NECAB1: variants seen among roughly 807,000 people sequenced by gnomAD.
NECAB1 encodes N-terminal EF-hand calcium-binding protein 1.
Under a neutral mutation model 57.5 loss-of-function variants are expected in NECAB1, and 29 were observed. The observed-to-expected ratio is 0.50, with a 90% CI of 0.38 to 0.69. The LOEUF (loss-of-function observed/expected upper bound fraction) is 0.69. NECAB1 is among the 30% of genes least tolerant of loss of function. The probability of loss-of-function intolerance (pLI) is 0.00; values close to 1 mark genes in which losing one functional copy is unlikely to be tolerated. For missense variants in NECAB1, 372 were observed against 413.8 expected (o/e 0.90, Z 0.88); for synonymous variants, 142 against 147.7 (o/e 0.96, Z 0.28).
At chr8:90,830,337 G>A (rs950009846) in intron 3 of NECAB1, among the ~76,000 whole-genome samples, 3 of 152,032 alleles carry the variant, frequency 2.0e-5, no homozygotes, top group African/African-American at 7.2e-5. Context: ...AATAGAGCAG[G>A]CCACAGTCCC....
chr8:90,851,970 T>G (rs1812691861), intron 3 of NECAB1, among the ~76,000 whole-genome samples: 1 of 152,200 alleles, frequency 6.6e-6, no homozygotes, highest in South Asian at 2.1e-4. Context: ...TTTTAAGTGT[T>G]TCTTTACTTC....
intron 3 of NECAB1, among the ~76,000 whole-genome samples, chr8:90,835,668 A>C (rs1034773575): frequency 6.6e-6 from 1 of 152,138 alleles, no homozygotes; most frequent in African/African-American, 2.4e-5. Flanking sequence ...CCATTTAATT[A>C]CATAATATCT....
intron 5 of NECAB1, 75 bp downstream of exon 5, chr8:90,881,205 T>G (rs1441093220): frequency 1.0e-6 from 1 of 971,036 alleles, no homozygotes; most frequent in African/African-American, 1.7e-5. Context: ...ATCATACCTA[T>G]TTTCAACTAT....
At chr8:90,875,042 T>C (rs1244653174) in intron 4 of NECAB1, among the ~76,000 whole-genome samples, 1 of 152,154 alleles carries the variant, frequency 6.6e-6, no homozygotes. Flanking sequence ...AGCTTTGATT[T>C]TGTATTTCTA....
chr8:90,950,181 G>A (rs181608697), intron 11 of NECAB1, among the ~76,000 whole-genome samples: 46 of 152,252 alleles, frequency 3.0e-4, no homozygotes, highest in Non-Finnish European at 5.7e-4. Context: ...AAGCTGGTGA[G>A]GGTAGTGGTG....
chr8:90,804,790 G>C (rs951774012), intron 2 of NECAB1, among the ~76,000 whole-genome samples: 1 of 152,164 alleles, frequency 6.6e-6, no homozygotes, highest in African/African-American at 2.4e-5. Flanking sequence ...GAGGGAAGCA[G>C]AGTCAGGCAG....
intron 2 of NECAB1, chr8:90,812,621 A>G (rs1361639881): frequency 6.6e-6 from 1 of 152,178 alleles, no homozygotes; most frequent in East Asian, 1.9e-4. Context: ...GTCAGTAACG[A>G]GCCAAGCATT....
At chr8:90,905,157 G>A (rs980840641) in intron 5 of NECAB1, among the ~76,000 whole-genome samples, 2 of 151,990 alleles carry the variant, frequency 1.3e-5, no homozygotes, top group African/African-American at 2.4e-5. Context: ...AACTACCAAG[G>A]GCTGGTGTTA....
chr8:90,955,112 TTATATATATATATATATATATATATA>T (rs59244524), intron 12 of NECAB1, among the ~76,000 whole-genome samples: 12 of 70,808 alleles, frequency 1.7e-4, no homozygotes, highest in Admixed American at 3.8e-4. Flanking sequence ...GGTATATAAA[TTATATATATATATATATATATATATA>T]TATATATATA....
At chr8:90,887,196 A>G (rs1398937516) in intron 5 of NECAB1, among the ~76,000 whole-genome samples, 8 of 152,184 alleles carry the variant, frequency 5.3e-5, no homozygotes, top group African/African-American at 1.7e-4. Context: ...TCTCTCTTTT[A>G]GGGAAGTTGA....
chr8:90,834,988 T>C (rs903183324), intron 3 of NECAB1, among the ~76,000 whole-genome samples: 1 of 125,976 alleles, frequency 7.9e-6, no homozygotes, highest in Non-Finnish European at 1.6e-5. Flanking sequence ...CTGACTTTCT[T>C]TTTTTTTTTT....
intron 2 of NECAB1, among the ~76,000 whole-genome samples, chr8:90,807,478 G>A (rs530665304): frequency 2.6e-5 from 4 of 152,008 alleles, no homozygotes; most frequent in Admixed American, 6.6e-5. Flanking sequence ...TCAGAGTCCC[G>A]CAGAGCTCTG....
At chr8:90,874,238 T>A (rs1390414157) in intron 4 of NECAB1, among the ~76,000 whole-genome samples, 1 of 152,172 alleles carries the variant, frequency 6.6e-6, no homozygotes, top group East Asian at 1.9e-4. Context: ...CAGAACTTGA[T>A]TGGCATGAAA....
At chr8:90,904,059 T>C (rs1809574440) in intron 5 of NECAB1, 1 of 152,186 alleles carries the variant, frequency 6.6e-6, no homozygotes, top group Non-Finnish European at 1.5e-5. Context: ...TGAGAATTTA[T>C]AACTGCAAGT....
At chr8:90,883,485 G>T (rs1362815450) in intron 5 of NECAB1, among the ~76,000 whole-genome samples, 1 of 152,076 alleles carries the variant, frequency 6.6e-6, no homozygotes, top group African/African-American at 2.4e-5. Flanking sequence ...ATTGTTCTAG[G>T]GTTTTATGAA....
At chr8:90,898,828 T>C (rs1036049544) in intron 5 of NECAB1, among the ~76,000 whole-genome samples, 2 of 152,328 alleles carry the variant, frequency 1.3e-5, no homozygotes, top group African/African-American at 4.8e-5. Context: ...TTTCCTCAGC[T>C]CTCTCTTCAC....
At chr8:90,807,071 G>C (rs577441778) in intron 2 of NECAB1, among the ~76,000 whole-genome samples, 2 of 152,134 alleles carry the variant, frequency 1.3e-5, no homozygotes, top group Middle Eastern at 6.8e-3. Flanking sequence ...ATTATAGTTA[G>C]AGCCTGAATT....
chr8:90,926,661 C>G (rs1382219056), intron 7 of NECAB1, among the ~76,000 whole-genome samples: 1 of 152,170 alleles, frequency 6.6e-6, no homozygotes, highest in African/African-American at 2.4e-5. Context: ...CCTCATGTAG[C>G]CTCCTTCTGG....
At chr8:90,911,433 A>C (rs1465963926) in intron 5 of NECAB1, among the ~76,000 whole-genome samples, 1 of 152,112 alleles carries the variant, frequency 6.6e-6, no homozygotes, top group Non-Finnish European at 1.5e-5. Context: ...ATTGTGTCTA[A>C]TTTACTATAT....
Sources: gnomAD v4.1 joint callset for allele counts (sites outside exome capture counted in the v4.1 genomes callset) on GRCh38, gnomAD v4.1.1 for gene constraint, MANE v1.5 for transcripts, NCBI Gene and HGNC (gene_info 2026-07-23, HGNC 2026-07-21) for gene names.